BCAT1: variants seen among roughly 807,000 people sequenced by gnomAD.
BCAT1 encodes branched chain amino acid transaminase 1, also known as branched-chain-amino-acid aminotransferase, cytosolic.
A neutral mutation model predicts 52.4 loss-of-function variants in BCAT1; 48 were observed. That is an observed-to-expected ratio of 0.92 (90% confidence interval 0.73 to 1.16). The LOEUF (loss-of-function observed/expected upper bound fraction) is 1.16, where lower values mean the gene tolerates loss of function less well. Ranked by LOEUF, BCAT1 falls within the 50% of genes most tolerant of loss-of-function variation. BCAT1 has a pLI of 0.00. For synonymous variants in BCAT1, 167 were observed against 161.3 expected, an observed-to-expected ratio of 1.04 and a Z score of -0.27; for missense variants, 451 against 457.1, an observed-to-expected ratio of 0.99 and a Z score of 0.12.
chr12:24,821,002 C>T (rs988540312), intron 10 of BCAT1, among the ~76,000 whole-genome samples: 2 of 152,034 alleles, frequency 1.3e-5, no homozygotes, highest in African/African-American at 4.8e-5. Context: ...TCCTGTAACA[C>T]GTGGAGGAGG....
At chr12:24,852,042 T>C (rs1039162902) in intron 5 of BCAT1, among the ~76,000 whole-genome samples, 1 of 152,060 alleles carries the variant, frequency 6.6e-6, no homozygotes, top group Non-Finnish European at 1.5e-5. Context: ...GCTGTGCTTG[T>C]GAGAGTGAGT....
At chr12:24,843,263 C>T (rs1411966606) in intron 6 of BCAT1, among the ~76,000 whole-genome samples, 2 of 152,162 alleles carry the variant, frequency 1.3e-5, no homozygotes, top group African/African-American at 2.4e-5. Context: ...CTCTTAGACT[C>T]TTTTACATCT....
rs189030853 is a variant in BCAT1, at chr12:24,817,399, A to C, written c.*609T>G. The C allele has an allele frequency of 2.0e-5, 3 of 153,232 alleles. No homozygotes were observed. In the East Asian group the frequency reaches 5.8e-4, roughly 29 times the overall value. The allele number at this position is 153,232 out of a possible 1,614,324, so 9.5% of individuals were successfully genotyped here. ...AGCTACAACATAATGTGGAAAGGAC[A>C]ATGGTGGGAAATGCACTCAGGTCTT... On this transcript the variant is annotated 3_prime_UTR_variant, in exon 11 of 11. Coordinates refer to ENST00000261192, the MANE Select transcript of BCAT1 (RefSeq NM_005504.7).
intron 6 of BCAT1, among the ~76,000 whole-genome samples, chr12:24,845,665 C>G (rs1359842388): frequency 6.6e-6 from 1 of 152,162 alleles, no homozygotes; most frequent in Non-Finnish European, 1.5e-5. Context: ...CTTTATATAT[C>G]TCATTGGGTT....
chr12:24,829,966 C>T (rs951189857), intron 9 of BCAT1, 69 bp from the exon 10 acceptor site: 5 of 1,202,400 alleles, frequency 4.2e-6, no homozygotes, highest in Non-Finnish European at 5.9e-6. Flanking sequence ...ATAAGACACT[C>T]AAGCAATTCT....
intron 5 of BCAT1, among the ~76,000 whole-genome samples, chr12:24,864,869 C>T (rs1160150149): frequency 6.6e-6 from 1 of 152,202 alleles, no homozygotes; most frequent in Non-Finnish European, 1.5e-5. Context: ...ATTGACAAAT[C>T]CAATACTCAG....
At chr12:24,878,710 G>A in intron 4 of BCAT1, 61 bp from the exon 5 acceptor site, 1 of 1,461,200 alleles carries the variant, frequency 6.8e-7, no homozygotes. Context: ...AATAATAAAT[G>A]ATCCTCACTG....
At chr12:24,865,968 T>G (rs995902130) in intron 5 of BCAT1, among the ~76,000 whole-genome samples, 1 of 152,240 alleles carries the variant, frequency 6.6e-6, no homozygotes, top group African/African-American at 2.4e-5. Context: ...CGGCGCCCAT[T>G]CTGACCGCGC....
intron 3 of BCAT1, among the ~76,000 whole-genome samples, chr12:24,893,999 T>A (rs1431389246): frequency 6.6e-6 from 1 of 152,222 alleles, no homozygotes; most frequent in Non-Finnish European, 1.5e-5. Flanking sequence ...AGTGCTGGCT[T>A]TTTAATTGCC....
At chr12:24,932,843 G>A (rs142632891) in intron 1 of BCAT1, among the ~76,000 whole-genome samples, 2,608 of 150,310 alleles carry the variant, frequency 0.017, 45 homozygotes, top group Middle Eastern at 0.068. Context: ...ATGGAGTCTC[G>A]CTCCGTCGCC....
At chr12:24,848,869 C>A (rs890942473) in intron 6 of BCAT1, among the ~76,000 whole-genome samples, 2 of 152,210 alleles carry the variant, frequency 1.3e-5, no homozygotes, top group Middle Eastern at 3.4e-3. Context: ...CTTTTATAAC[C>A]GTTCTTTTTT....
At chr12:24,948,805 G>T in intron 1 of BCAT1, 122 bp downstream of exon 1, 2 of 1,054,038 alleles carry the variant, frequency 1.9e-6, no homozygotes, top group Non-Finnish European at 2.8e-6. Context: ...CGTTTGCGGG[G>T]GATATAAGCC....
At chr12:24,942,196 A>G (rs1460147709) in intron 1 of BCAT1, among the ~76,000 whole-genome samples, 1 of 152,210 alleles carries the variant, frequency 6.6e-6, no homozygotes, top group Non-Finnish European at 1.5e-5. Context: ...ATAGATTCAG[A>G]GAAGACAGAG....
chr12:24,842,189 GCT>G lies in BCAT1; in HGVS notation c.708_709del (p.Glu236AspfsTer4), dbSNP rs756661834. The G allele has an allele frequency of 6.2e-7, 1 of 1,613,822 alleles. No homozygotes were observed. ...GACCTGCTGACACCCATTATCTACT[GCT>G]TCACATTGGGCAAAAAGAGATGAGC... On this transcript the variant is annotated frameshift_variant, in exon 7 of 11. Transcript: ENST00000261192. LOFTEE classifies it high-confidence loss of function.
chr12:24,833,259 C>T (rs185984030), intron 8 of BCAT1, among the ~76,000 whole-genome samples: 20 of 152,312 alleles, frequency 1.3e-4, no homozygotes, highest in Admixed American at 7.2e-4. Context: ...TGGCTCATGC[C>T]TGTAATCTCT....
rs1159296877 is a variant in BCAT1, at chr12:24,829,874, C to A, written c.1068G>T (p.Glu356Asp). ...KGETIHIPTM[E>D]NGPKLASRIL... ...TGCGGCTTGCCAGCTTAGGACCATT[C>A]TCCATAGTTGGAATGTGTATTGTCT... is the stretch of plus-strand genomic sequence containing the variant. The change falls in exon 10 of 11, where the codon GAG becomes GAT. Residue 356 changes from glutamate (E) to aspartate (D), a missense_variant. Physicochemically the swap from Glu to Asp is conservative, Grantham distance 45 (BLOSUM62 2). Coordinates refer to ENST00000261192, the MANE Select transcript of BCAT1 (RefSeq NM_005504.7). The A allele has an allele frequency of 2.5e-6, 4 of 1,611,050 alleles. No individual in the cohort carries two copies. Among genetic ancestry groups the A allele is most frequent in the Non-Finnish European group, 3.4e-6 (4 of 1,178,228 alleles).
chr12:24,864,425 G>C (rs1238280795), intron 5 of BCAT1, among the ~76,000 whole-genome samples: 1 of 152,140 alleles, frequency 6.6e-6, no homozygotes, highest in Non-Finnish European at 1.5e-5. Context: ...AAGTAATGAA[G>C]AGCTCACACC....
At chr12:24,886,832 T>TAAAAA (rs1216608757) in intron 3 of BCAT1, among the ~76,000 whole-genome samples, 19,670 of 120,930 alleles carry the variant, frequency 0.16, 1,612 homozygotes, top group East Asian at 0.22. Flanking sequence ...CCCTGTCTCT[T>TAAAAA]AAAAAAAAAA....
chr12:24,883,415 G>A (rs1942560207), intron 3 of BCAT1, among the ~76,000 whole-genome samples: 1 of 152,060 alleles, frequency 6.6e-6, no homozygotes, highest in Non-Finnish European at 1.5e-5. Context: ...AATTAGTACA[G>A]TCATTACTTT....
Sources: gnomAD v4.1 joint callset for allele counts (sites outside exome capture counted in the v4.1 genomes callset) on GRCh38, gnomAD v4.1.1 for gene constraint, MANE v1.5 for transcripts, NCBI Gene and HGNC (gene_info 2026-07-23, HGNC 2026-07-21) for gene names.